The following BMPR1A variants were observed in gnomAD, a reference collection of about 807,000 sequenced individuals.
BMPR1A encodes bone morphogenetic protein receptor type 1A, also known as bone morphogenetic protein receptor type-1A.
A neutral mutation model predicts 66.0 loss-of-function variants in BMPR1A; 7 were observed. The observed-to-expected ratio is 0.11, with a 90% CI of 0.06 to 0.20. BMPR1A has a LOEUF of 0.20. Ranked by LOEUF, BMPR1A falls within the 10% of genes least tolerant of loss-of-function variation. The pLI is 1.00. For synonymous variants in BMPR1A, 200 were observed against 229.7 expected (o/e 0.87, Z 1.17); for missense variants, 408 against 669.1 (o/e 0.61, Z 4.31).
chr10:86,834,014 A>G (rs1175344211), intron 1 of BMPR1A, among the ~76,000 whole-genome samples: 1 of 152,214 alleles, frequency 6.6e-6, no homozygotes, highest in East Asian at 1.9e-4. Context: ...TCTTGTTTAC[A>G]CATTCAAACC....
chr10:86,932,469 A>G (rs1240714089), downstream of BMPR1A: 1 of 152,104 alleles, frequency 6.6e-6, no homozygotes, highest in Non-Finnish European at 1.5e-5. Context: ...TCAACCTCAA[A>G]CTTTGGGCCT....
chr10:86,814,021 T>C (rs1439083611), intron 1 of BMPR1A, among the ~76,000 whole-genome samples: 1 of 152,250 alleles, frequency 6.6e-6, no homozygotes, highest in African/African-American at 2.4e-5. Context: ...TTGTTGTTAA[T>C]GTAGTTTTTT....
chr10:86,810,816 T>G (rs1164972757), intron 1 of BMPR1A, among the ~76,000 whole-genome samples: 1 of 152,242 alleles, frequency 6.6e-6, no homozygotes, highest in African/African-American at 2.4e-5. Context: ...CCTTATCAGT[T>G]ACATGATTTA....
At chr10:86,877,332 C>T (rs945641063) in intron 3 of BMPR1A, among the ~76,000 whole-genome samples, 3 of 151,842 alleles carry the variant, frequency 2.0e-5, no homozygotes, top group Non-Finnish European at 2.9e-5. Flanking sequence ...CTCAGCCTCC[C>T]GAGTAGCTGG....
intron 1 of BMPR1A, among the ~76,000 whole-genome samples, chr10:86,836,447 T>A (rs1398982839): frequency 6.6e-6 from 1 of 152,134 alleles, no homozygotes; most frequent in African/African-American, 2.4e-5. Context: ...CTATTTTATT[T>A]TATTAAGTTC....
At chr10:86,795,264 TG>T (rs1841691247) in intron 1 of BMPR1A, among the ~76,000 whole-genome samples, 1 of 152,184 alleles carries the variant, frequency 6.6e-6, no homozygotes, top group African/African-American at 2.4e-5. Context: ...TTAGTAAGAC[TG>T]ATTTTTCTTA....
At chr10:86,887,254 C>T (rs1023139921) in intron 3 of BMPR1A, among the ~76,000 whole-genome samples, 3 of 152,198 alleles carry the variant, frequency 2.0e-5, no homozygotes, top group African/African-American at 7.2e-5. Flanking sequence ...GCGTTTCTAG[C>T]ATTTAATACC....
intron 5 of BMPR1A, among the ~76,000 whole-genome samples, chr10:86,898,801 C>T (rs1458174166): frequency 6.6e-6 from 1 of 152,174 alleles, no homozygotes; most frequent in Non-Finnish European, 1.5e-5. Context: ...TTTCCTCCTC[C>T]ATGTGTTTTC....
At chr10:86,878,862 A>G (rs1436772106) in intron 3 of BMPR1A, among the ~76,000 whole-genome samples, 2 of 152,168 alleles carry the variant, frequency 1.3e-5, no homozygotes, top group African/African-American at 4.8e-5. Context: ...ACAAAATCAG[A>G]GTTTGGTTAG....
chr10:86,791,694 TCCCTC>T (rs1841624181), intron 1 of BMPR1A, among the ~76,000 whole-genome samples: 4 of 73,600 alleles, frequency 5.4e-5, no homozygotes, highest in Non-Finnish European at 8.0e-5. Flanking sequence ...CCTTCCTCCC[TCCCTC>T]CCTCCCTCCC....
chr10:86,852,237 G>T (rs201663747), intron 2 of BMPR1A, among the ~76,000 whole-genome samples: 1 of 152,072 alleles, frequency 6.6e-6, no homozygotes, highest in African/African-American at 2.4e-5. Context: ...GTTTTCTGGC[G>T]AGAAAGCATG....
At chr10:86,774,010 C>T (rs1013944809) in intron 1 of BMPR1A, among the ~76,000 whole-genome samples, 3 of 151,966 alleles carry the variant, frequency 2.0e-5, no homozygotes, top group African/African-American at 7.3e-5. Flanking sequence ...GCCACTACAC[C>T]TGGCTAATTT....
chr10:86,766,163 T>G (rs1324072719), intron 1 of BMPR1A, among the ~76,000 whole-genome samples: 1 of 151,818 alleles, frequency 6.6e-6, no homozygotes, highest in African/African-American at 2.4e-5. Context: ...ATTAAAAAAT[T>G]TTTGTGTGTG....
At position 86,889,702 on chromosome 10, in the gene BMPR1A, G is replaced by T. The variant is rs1694078172; in HGVS notation, c.68-360G>T. The T allele has an allele frequency of 1.6e-5, 4 of 251,140 alleles. No homozygotes were observed. The South Asian group carries it at 1.9e-4, about 12-fold the overall frequency. The allele number at this position is 251,140 out of a possible 1,614,324, so 15.6% of individuals were successfully genotyped here. ...TGGGAAACTCAACTGCATAATTGTG[G>T]TGGTGGGGGACTGCGTTCATGCTTT... On this transcript the variant is annotated intron_variant, in intron 3 of 12. Coordinates refer to ENST00000372037, the MANE Select transcript of BMPR1A (RefSeq NM_004329.3).
At chr10:86,768,648 TG>T (rs1841204636) in intron 1 of BMPR1A, among the ~76,000 whole-genome samples, 1 of 152,238 alleles carries the variant, frequency 6.6e-6, no homozygotes, top group Non-Finnish European at 1.5e-5. Flanking sequence ...AAAGAAATCC[TG>T]ATATGGTTAT....
At chr10:86,919,762 T>C (rs1358824016) in intron 10 of BMPR1A, among the ~76,000 whole-genome samples, 1 of 152,000 alleles carries the variant, frequency 6.6e-6, no homozygotes, top group East Asian at 1.9e-4. Flanking sequence ...GGCTGGAATA[T>C]AGTAGTGTGA....
chr10:86,827,666 A>G (rs889799069), intron 1 of BMPR1A, among the ~76,000 whole-genome samples: 10 of 152,180 alleles, frequency 6.6e-5, no homozygotes, highest in Admixed American at 2.6e-4. Flanking sequence ...AAGAGGAGCA[A>G]GTTTGTGAGA....
At chr10:86,793,111 G>A (rs371331478) in intron 1 of BMPR1A, among the ~76,000 whole-genome samples, 8 of 51,012 alleles carry the variant, frequency 1.6e-4, no homozygotes, top group African/African-American at 3.7e-4. Flanking sequence ...CCCACCCCCC[G>A]CCACCCCACA....
intron 5 of BMPR1A, among the ~76,000 whole-genome samples, chr10:86,897,027 C>T (rs553707481): frequency 2.6e-5 from 4 of 152,300 alleles, no homozygotes; most frequent in East Asian, 1.9e-4. Flanking sequence ...CACCAGGCCT[C>T]GCGTTCTTCC....
Sources: gnomAD v4.1 joint callset for allele counts (sites outside exome capture counted in the v4.1 genomes callset) on GRCh38, gnomAD v4.1.1 for gene constraint, MANE v1.5 for transcripts, NCBI Gene and HGNC (gene_info 2026-07-23, HGNC 2026-07-21) for gene names.